Variants in GRIK4 observed in about 807,000 individuals in gnomAD.
GRIK4 encodes the protein glutamate receptor ionotropic, kainate 4.
In GRIK4, 40 loss-of-function variants were observed where a neutral mutation model predicts 104.9. The ratio of observed to expected loss-of-function variants is 0.38; its 90% CI spans 0.30 to 0.50. GRIK4 has a LOEUF of 0.50. Ranked by LOEUF, GRIK4 falls within the 20% of genes least tolerant of loss-of-function variation. The pLI is 0.93. For missense variants in GRIK4, 1,047 were observed against 1,308.1 expected (o/e 0.80, Z 3.08); for synonymous variants, 485 against 524.9 (o/e 0.92, Z 1.04).
chr11:120,529,307 T>C (rs1393972290), intron 1 of GRIK4, among the ~76,000 whole-genome samples: 1 of 152,196 alleles, frequency 6.6e-6, no homozygotes, highest in Non-Finnish European at 1.5e-5. Flanking sequence ...CAGGAGGATC[T>C]TGCCAAATAT....
chr11:120,616,122 C>G (rs1283851559), intron 1 of GRIK4, among the ~76,000 whole-genome samples: 1 of 152,106 alleles, frequency 6.6e-6, no homozygotes, highest in Non-Finnish European at 1.5e-5. Flanking sequence ...CATAAAATCC[C>G]TGGCCTTACA....
chr11:120,701,874 AAAGCCAACAG>A (rs1210367579), intron 3 of GRIK4, among the ~76,000 whole-genome samples: 2 of 151,952 alleles, frequency 1.3e-5, no homozygotes, highest in Non-Finnish European at 2.9e-5. Flanking sequence ...TTTTGAAGGT[AAAGCCAACAG>A]AATTTCTTGA....
At chr11:120,904,110 T>C (rs1442077933) in intron 12 of GRIK4, among the ~76,000 whole-genome samples, 1 of 152,190 alleles carries the variant, frequency 6.6e-6, no homozygotes, top group East Asian at 1.9e-4. Context: ...TTCTGCCCTT[T>C]CTCAACTCTT....
chr11:120,556,653 T>A (rs902313135), intron 1 of GRIK4, among the ~76,000 whole-genome samples: 2 of 152,120 alleles, frequency 1.3e-5, no homozygotes, highest in African/African-American at 4.8e-5. Flanking sequence ...GGGTAACACC[T>A]GTCTTGGGAA....
chr11:120,860,860 T>C (rs558030326), intron 8 of GRIK4, among the ~76,000 whole-genome samples: 10 of 152,244 alleles, frequency 6.6e-5, no homozygotes, highest in East Asian at 1.9e-4. Flanking sequence ...CCATCACACA[T>C]AGGACAAAGG....
intron 8 of GRIK4, among the ~76,000 whole-genome samples, chr11:120,837,697 C>G (rs1953610324): frequency 6.6e-6 from 1 of 150,964 alleles, no homozygotes; most frequent in Non-Finnish European, 1.5e-5. Flanking sequence ...TTTTTTTTAA[C>G]CTAACACTGC....
chr11:120,571,432 T>A (rs1436578226), intron 1 of GRIK4, among the ~76,000 whole-genome samples: 1 of 152,198 alleles, frequency 6.6e-6, no homozygotes, highest in Non-Finnish European at 1.5e-5. Context: ...ATGTTCCTTT[T>A]GCTTAGGTTA....
At chr11:120,546,321 G>A (rs948526943) in intron 1 of GRIK4, among the ~76,000 whole-genome samples, 1 of 152,170 alleles carries the variant, frequency 6.6e-6, no homozygotes, top group East Asian at 1.9e-4. Context: ...CACCTTGAGG[G>A]AGATGGGCCA....
In GRIK4 at chr11:120,967,286, A is replaced by G; in HGVS notation, c.2358A>G (p.Gly786=). The change falls in exon 19 of 21, where the codon GGA becomes GGG. Residue 786 remains glycine (G), a synonymous_variant. Coordinates refer to ENST00000527524, the MANE Select transcript of GRIK4 (RefSeq NM_014619.5). The surrounding 1 kb of genome is among the most constrained non-coding windows in gnomAD (Gnocchi z 4.2). The part of the protein sequence containing the change: ...LEILKRKWWE[G]GKCPKEEDHR... ...TCCTGAAGCGCAAATGGTGGGAAGG[A>G]GGGAAGTGCCCCAAGGAGGAAGATC... 6.2e-7 allele frequency: 1 copy of G among 1,613,964 alleles called. No homozygotes were observed. Among genetic ancestry groups the G allele is most frequent in the Non-Finnish European group, 8.5e-7 (1 of 1,179,904 alleles).
chr11:120,637,814 C>T (rs769018829), intron 1 of GRIK4, among the ~76,000 whole-genome samples: 1 of 152,096 alleles, frequency 6.6e-6, no homozygotes, highest in African/African-American at 2.4e-5. Context: ...AACCATACCT[C>T]TCCCACCCTG....
At chr11:120,708,506 C>A (rs1220028746) in intron 3 of GRIK4, among the ~76,000 whole-genome samples, 1 of 151,572 alleles carries the variant, frequency 6.6e-6, no homozygotes, top group Non-Finnish European at 1.5e-5. Context: ...GAGGTGCTAG[C>A]CCTGGCAGCT....
At chr11:120,527,866 C>G (rs921790140) in intron 1 of GRIK4, among the ~76,000 whole-genome samples, 1 of 152,262 alleles carries the variant, frequency 6.6e-6, no homozygotes, top group Non-Finnish European at 1.5e-5. Flanking sequence ...CCAGCCTCAC[C>G]TCCTCTGGGA....
chr11:120,817,709 T>C (rs1244143413), intron 5 of GRIK4, among the ~76,000 whole-genome samples: 3 of 152,174 alleles, frequency 2.0e-5, no homozygotes, highest in African/African-American at 4.8e-5. Context: ...GAGGGAACCA[T>C]AGGACCAGGA....
Position 120,788,032 on chromosome 11 carries a change from A to AT in GRIK4, c.83-14651dup, listed in dbSNP as rs577109352. On this transcript the variant is annotated intron_variant, in intron 3 of 20. Coordinates refer to ENST00000527524, the MANE Select transcript of GRIK4 (RefSeq NM_014619.5). ...AGGCGCACACCACCACGCCCAGCTA[A>AT]TTTTTTTTTTGTATTTTTAGTAGAG... Among the ~76,000 whole-genome samples, 233 of 145,004 alleles carry AT rather than the reference A, an allele frequency of 1.6e-3. 1 individual carries two copies. In the East Asian group the frequency reaches 0.025, roughly 16 times the overall value.
At position 120,734,717 on chromosome 11, in the gene GRIK4, G is replaced by T. The variant is rs532535524; in HGVS notation, c.83-67976G>T. Among the ~76,000 whole-genome samples the T allele has an allele frequency of 1.2e-4, 18 of 152,160 alleles. No individual in the cohort carries two copies. In the South Asian group the frequency reaches 3.7e-3, roughly 32 times the overall value. On this transcript the variant is annotated intron_variant, in intron 3 of 20. Coordinates refer to ENST00000527524, the MANE Select transcript of GRIK4 (RefSeq NM_014619.5). ...GCTACTTTCTAGATCTTGTAGGCAT[G>T]TTTCATTCTTTTTTCTCCTCTGTCT...
Position 120,940,443 on chromosome 11 carries a change from C to A in GRIK4, c.1573C>A (p.Leu525Ile). 1.3e-6 allele frequency: 2 copies of A among 1,598,430 alleles called. No individual in the cohort carries two copies. Among genetic ancestry groups the A allele is most frequent in the East Asian group, 2.2e-5 (1 of 44,828 alleles). Residue 525 changes from leucine to isoleucine, a missense_variant, in exon 14 of 21, where the codon CTT becomes ATT. This residue lies in a region of GRIK4 where 440 missense variants were observed against 652.3 expected (regional missense o/e 0.67). Coordinates refer to ENST00000527524, the MANE Select transcript of GRIK4 (RefSeq NM_014619.5). The surrounding 1 kb of genome is among the most constrained non-coding windows in gnomAD (Gnocchi z 4.3). ...KPFMTLGISI[L>I]YRVHMGRKPG... ...ATTCATGACTCTGGGAATTAGCATT[C>A]TTTACCGCGTTCATATGGTAAGAGA...
At chr11:120,757,455 G>A (rs1381629855) in intron 3 of GRIK4, among the ~76,000 whole-genome samples, 1 of 152,124 alleles carries the variant, frequency 6.6e-6, no homozygotes, top group African/African-American at 2.4e-5. Context: ...GGGTTGGGAG[G>A]CAAAAAGACT....
chr11:120,771,619 A>G (rs1436211430), intron 3 of GRIK4, among the ~76,000 whole-genome samples: 3 of 152,248 alleles, frequency 2.0e-5, no homozygotes, highest in East Asian at 3.8e-4. Context: ...AGAGAACACT[A>G]AGGGTGTAAA....
intron 1 of GRIK4, among the ~76,000 whole-genome samples, chr11:120,546,784 C>T (rs1462803906): frequency 6.6e-6 from 1 of 152,206 alleles, no homozygotes; most frequent in African/African-American, 2.4e-5. Context: ...TCCCCTCCCA[C>T]TGTGTGGCTA....
Sources: gnomAD v4.1 joint callset for allele counts (sites outside exome capture counted in the v4.1 genomes callset) on GRCh38, gnomAD v4.1.1 for gene constraint, gnomAD v4.1.1 regional missense constraint, Gnocchi (gnomAD v3.1) non-coding constraint, MANE v1.5 for transcripts, NCBI Gene and HGNC (gene_info 2026-07-23, HGNC 2026-07-21) for gene names.